Variants in HSPA12A observed in about 807,000 individuals in gnomAD.
HSPA12A encodes the protein heat shock protein family A (Hsp70) member 12A.
HSPA12A carries 28 observed loss-of-function variants against 69.2 expected under a neutral mutation model. That is an observed-to-expected ratio of 0.40 (90% CI 0.30 to 0.55). The LOEUF is 0.55. Among genes scored for constraint, HSPA12A ranks in the 20% least tolerant of loss-of-function variants. The pLI, the probability that HSPA12A is intolerant of heterozygous loss-of-function variation, is 0.38. For synonymous variants in HSPA12A, 345 were observed against 370.5 expected (o/e 0.93, Z 0.79); for missense variants, 686 against 900.7 (o/e 0.76, Z 3.05).
At chr10:116,849,410 A>G (rs939610332) in intron 1 of HSPA12A, 4 of 1,047,442 alleles carry the variant, frequency 3.8e-6, no homozygotes, top group African/African-American at 1.6e-5. Context: ...ATACCATCCT[A>G]GCTCCAATAA....
At chr10:116,730,479 T>C (rs895774333) in intron 1 of HSPA12A, among the ~76,000 whole-genome samples, 12 of 152,218 alleles carry the variant, frequency 7.9e-5, no homozygotes, top group Non-Finnish European at 1.6e-4. Context: ...AGTGCTATTT[T>C]ATACTTAACT....
chr10:116,776,923 G>C (rs547577749), intron 2 of HSPA12A, among the ~76,000 whole-genome samples: 1 of 152,208 alleles, frequency 6.6e-6, no homozygotes, highest in Non-Finnish European at 1.5e-5. Context: ...GACTAGGTTC[G>C]AGAATGGGAG....
chr10:116,710,675 T>A lies in HSPA12A; in HGVS notation c.41-3390A>T, dbSNP rs1554882963. On this transcript the variant is annotated intron_variant, in intron 1 of 11. Coordinates refer to ENST00000369209, the MANE Select transcript of HSPA12A (RefSeq NM_025015.3). This position sits in a 1 kb window ranked among gnomAD's most constrained non-coding sequence, Gnocchi z 4.1. ...GTTAAAATTCAGCTACACTGTGCAATGATTGAAAACTGATCTGCACAGAAG... is the reference window on the plus strand; with the variant it reads ...GTTAAAATTCAGCTACACTGTGCAAAGATTGAAAACTGATCTGCACAGAAG... Among the ~76,000 whole-genome samples the A allele has an allele frequency of 6.6e-6, 1 of 152,200 alleles. No individual in the cohort carries two copies. Among genetic ancestry groups the A allele is most frequent in the African/African-American group, 2.4e-5 (1 of 41,450 alleles).
intron 6 of HSPA12A, 35 bp from the exon 7 acceptor site, chr10:116,683,997 C>A: frequency 1.3e-6 from 2 of 1,515,496 alleles, no homozygotes; most frequent in Non-Finnish European, 1.8e-6. Flanking sequence ...GACCCAGGGC[C>A]CCCTGGGCCG....
chr10:116,736,776 C>T (rs782238511), intron 1 of HSPA12A, among the ~76,000 whole-genome samples: 20 of 152,282 alleles, frequency 1.3e-4, no homozygotes, highest in Non-Finnish European at 2.6e-4. Context: ...CTGCCAACAC[C>T]TTGGTTTTAG....
intron 5 of HSPA12A, among the ~76,000 whole-genome samples, chr10:116,693,665 T>C (rs1849801973): frequency 6.6e-6 from 1 of 152,208 alleles, no homozygotes; most frequent in East Asian, 1.9e-4. Flanking sequence ...TGACACTGTC[T>C]CATTTTTCCT....
chr10:116,716,042 C>G (rs1455596820), intron 1 of HSPA12A, among the ~76,000 whole-genome samples: 1 of 152,102 alleles, frequency 6.6e-6, no homozygotes, highest in African/African-American at 2.4e-5. Flanking sequence ...TGAGCAGCTC[C>G]CACTCTGGGA....
At chr10:116,785,615 C>T (rs546454369) in intron 2 of HSPA12A, among the ~76,000 whole-genome samples, 7 of 152,256 alleles carry the variant, frequency 4.6e-5, no homozygotes, top group East Asian at 3.9e-4. Context: ...CTTGGGGGAA[C>T]GCACACTCGG....
At chr10:116,736,332 C>T (rs992778256) in intron 1 of HSPA12A, among the ~76,000 whole-genome samples, 2 of 152,084 alleles carry the variant, frequency 1.3e-5, no homozygotes, top group African/African-American at 2.4e-5. Flanking sequence ...ATGTACAACA[C>T]GGAGGAGGAG....
At chr10:116,750,396 G>A in intron 2 of HSPA12A, 1 of 701,022 alleles carries the variant, frequency 1.4e-6, no homozygotes, top group Admixed American at 1.8e-5. Flanking sequence ...CTTGAAGGGA[G>A]CACAGATGGA....
intron 3 of HSPA12A, among the ~76,000 whole-genome samples, chr10:116,702,122 C>CAGAGAGAGAG (rs60517749): frequency 1.3e-5 from 2 of 149,224 alleles, no homozygotes; most frequent in African/African-American, 4.9e-5. Context: ...AAAGAAATGA[C>CAGAGAGAGAG]AGAGAGAGAG....
chr10:116,808,625 G>A (rs781673701), intron 2 of HSPA12A, among the ~76,000 whole-genome samples: 3 of 152,134 alleles, frequency 2.0e-5, no homozygotes, highest in Non-Finnish European at 4.4e-5. Context: ...TCATGGTGCA[G>A]CTTAATAATG....
At chr10:116,805,511 A>T (rs187536553) in intron 2 of HSPA12A, among the ~76,000 whole-genome samples, 1 of 152,178 alleles carries the variant, frequency 6.6e-6, no homozygotes, top group Admixed American at 6.5e-5. Context: ...ACACTACTTA[A>T]AATCACAACA....
At chr10:116,770,681 C>T (rs782054493) in intron 2 of HSPA12A, among the ~76,000 whole-genome samples, 3 of 152,084 alleles carry the variant, frequency 2.0e-5, no homozygotes, top group South Asian at 2.1e-4. Flanking sequence ...CCATGGCTGC[C>T]GGGTTGTCCC....
intron 2 of HSPA12A, among the ~76,000 whole-genome samples, chr10:116,769,202 A>G (rs1844144325): frequency 6.6e-6 from 1 of 152,168 alleles, no homozygotes; most frequent in African/African-American, 2.4e-5. Flanking sequence ...CCTTCCTGTG[A>G]GGTCACTTGG....
chr10:116,795,762 A>C (rs1844807277), intron 2 of HSPA12A, among the ~76,000 whole-genome samples: 1 of 150,618 alleles, frequency 6.6e-6, no homozygotes, highest in Non-Finnish European at 1.5e-5. Context: ...ATATTAAATA[A>C]GTATATCATA....
intron 2 of HSPA12A, among the ~76,000 whole-genome samples, chr10:116,769,706 C>A (rs1377132248): frequency 6.6e-6 from 1 of 152,172 alleles, no homozygotes; most frequent in Non-Finnish European, 1.5e-5. Flanking sequence ...TAAATTAGAG[C>A]AAAACAGCTA....
At chr10:116,797,481 T>C (rs1844854171) in intron 2 of HSPA12A, among the ~76,000 whole-genome samples, 1 of 152,162 alleles carries the variant, frequency 6.6e-6, no homozygotes, top group African/African-American at 2.4e-5. Context: ...TGTGTGCATG[T>C]GTGTATATGC....
chr10:116,719,146 G>T (rs1554884122), intron 1 of HSPA12A, among the ~76,000 whole-genome samples: 1 of 152,142 alleles, frequency 6.6e-6, no homozygotes, highest in Non-Finnish European at 1.5e-5. Context: ...TACATTTGGG[G>T]TGTGATCCCT....
Sources: allele counts gnomAD v4.1 joint callset (sites outside exome capture counted in the v4.1 genomes callset), GRCh38; gene constraint gnomAD v4.1.1; non-coding constraint Gnocchi (gnomAD v3.1); transcripts MANE v1.5; gene names NCBI Gene and HGNC (gene_info 2026-07-23, HGNC 2026-07-21).